The following ATP6V1B2 variants were observed in gnomAD, a reference collection of about 807,000 sequenced individuals.
ATP6V1B2 encodes V-type proton ATPase subunit B, brain isoform.
Under a neutral mutation model 66.7 loss-of-function variants are expected in ATP6V1B2, and 23 were observed. The ratio of observed to expected loss-of-function variants is 0.34; its 90% confidence interval spans 0.25 to 0.49. The LOEUF is 0.49. Among genes scored for constraint, ATP6V1B2 ranks in the 20% least tolerant of loss-of-function variants. ATP6V1B2 has a pLI of 0.99. For synonymous variants in ATP6V1B2, 278 were observed against 236.7 expected (o/e 1.17, Z -1.60); for missense variants, 478 against 650.8 (o/e 0.73, Z 2.89).
intron 8 of ATP6V1B2, among the ~76,000 whole-genome samples, 188 bp from the exon 9 acceptor site, chr8:20,212,594 T>C (rs895906284): frequency 5.9e-5 from 9 of 152,200 alleles, no homozygotes; most frequent in African/African-American, 2.2e-4. Context: ...ACTGAGAAAT[T>C]TGGGACATTT....
rs375523885 is a variant in ATP6V1B2, at chr8:20,216,512, G to A, written c.1161+17G>A. 8.1e-6 allele frequency: 13 copies of A among 1,605,524 alleles called. No individual in the cohort carries two copies. Among genetic ancestry groups the A allele is most frequent in the Non-Finnish European group, 1.1e-5 (13 of 1,173,556 alleles). ...AACAGACAGGTACTGGACGGGAGCA[G>A]TGCTGGGAAGCTTGCAGACCTGCTC... On this transcript the variant is annotated intron_variant, in intron 11 of 13. Coordinates refer to ENST00000276390, the MANE Select transcript of ATP6V1B2 (RefSeq NM_001693.4).
In ATP6V1B2 at chr8:20,217,451, T is replaced by C. The variant is rs531505826; in HGVS notation, c.1266+127T>C. On this transcript the variant is annotated intron_variant, in intron 12 of 13. Transcript: ENST00000276390. ...ACATGGAATTTTAGTGTAGGCTTGA[T>C]GTGGAATACATAATCATTCATTAGA... 3.9e-5 allele frequency: 31 copies of C among 786,862 alleles called. No homozygotes were observed. The African/African-American group carries it at 4.4e-4, about 11-fold the overall frequency. The allele number at this position is 786,862 out of a possible 1,614,324, so 48.7% of individuals were successfully genotyped here.
At chr8:20,216,885 A>T (rs2072859437) in intron 11 of ATP6V1B2, 1 of 260,784 alleles carries the variant, frequency 3.8e-6, no homozygotes, top group Non-Finnish European at 7.3e-6. Context: ...TATTTTGTGT[A>T]TAATTTTTTG....
At chr8:20,197,854 C>G (rs1056111342) in intron 1 of ATP6V1B2, among the ~76,000 whole-genome samples, 1 of 152,186 alleles carries the variant, frequency 6.6e-6, no homozygotes, top group Non-Finnish European at 1.5e-5. Flanking sequence ...TTCCCGTCCC[C>G]GAGGGCCACT....
chr8:20,204,351 A>T, intron 1 of ATP6V1B2, 133 bp from the exon 2 acceptor site: 1 of 723,454 alleles, frequency 1.4e-6, no homozygotes, highest in African/African-American at 1.8e-5. Context: ...GCATTGAAAA[A>T]TTTTGTAGCT....
At chr8:20,212,751 G>C in intron 8 of ATP6V1B2, 31 bp from the exon 9 acceptor site, 1 of 1,595,858 alleles carries the variant, frequency 6.3e-7, no homozygotes, top group Non-Finnish European at 8.5e-7. Flanking sequence ...CTTTTGGTTT[G>C]AGTGGCCTAA....
chr8:20,213,046 A>C, intron 9 of ATP6V1B2, 141 bp downstream of exon 9: 3 of 1,186,372 alleles, frequency 2.5e-6, no homozygotes, highest in Non-Finnish European at 3.5e-6. Context: ...TAAATCAGAA[A>C]GGAAACTACT....
In ATP6V1B2 at chr8:20,211,191, C is replaced by T; in HGVS notation, c.478C>T (p.Pro160Ser). 1 of 1,611,992 alleles carries T rather than the reference C, an allele frequency of 6.2e-7. No homozygotes were observed. Residue 160 changes from proline to serine, a missense_variant, in exon 6 of 14, where the codon CCT (proline) becomes TCT (serine). Pro to Ser is a moderately conservative substitution (Grantham distance 74, BLOSUM62 -1). Coordinates refer to ENST00000276390, the MANE Select transcript of ATP6V1B2 (RefSeq NM_001693.4). ...AAATACATTAGGTCAGCCAATCAAC[C>T]CTCAATGTCGAATCTACCCAGAGGA... ...FLDIMGQPIN[P>S]QCRIYPEEMI...
At chr8:20,214,158 T>G (rs2072826261) in intron 9 of ATP6V1B2, 1 of 152,212 alleles carries the variant, frequency 6.6e-6, no homozygotes. Context: ...TCATAATGCT[T>G]TAGGGTTCTA....
At position 20,211,683 on chromosome 8, in the gene ATP6V1B2, T is replaced by C. The variant is rs768791251; in HGVS notation, c.635T>C (p.Leu212Ser). The C allele has an allele frequency of 3.1e-6, 5 of 1,612,536 alleles. No individual in the cohort carries two copies. The South Asian group carries it at 5.5e-5, about 18-fold the overall frequency. ...IAAQICRQAG[L>S]VKKSKDVVDY... Reference sequence around the variant, plus strand: ...GCTCAGATCTGTCGCCAGGCTGGTTTGGTAAAGAAATCCAAAGATGTAGTA... The same window carrying C: ...GCTCAGATCTGTCGCCAGGCTGGTTCGGTAAAGAAATCCAAAGATGTAGTA... Residue 212 changes from leucine (L) to serine (S), a missense_variant, in exon 7 of 14, where the codon TTG (leucine) becomes TCG (serine). Leu to Ser is a moderately radical substitution (Grantham distance 145, BLOSUM62 -2). Around this residue, in one of 2 missense-constraint regions of ATP6V1B2, gnomAD observed 326 missense variants for 545.6 expected, o/e 0.60. Transcript: ENST00000276390.
At chr8:20,204,059 T>A (rs780037783) in intron 1 of ATP6V1B2, 1 of 450,804 alleles carries the variant, frequency 2.2e-6, no homozygotes, top group South Asian at 1.6e-5. Context: ...GCGTCCTCTA[T>A]AAAGTTTTTA....
intron 12 of ATP6V1B2, among the ~76,000 whole-genome samples, chr8:20,217,745 T>C (rs1585254833): frequency 6.6e-6 from 1 of 152,190 alleles, no homozygotes; most frequent in East Asian, 1.9e-4. Context: ...CATATAAGAT[T>C]GTACACTAAC....
At chr8:20,199,473 A>G (rs1236356839) in intron 1 of ATP6V1B2, among the ~76,000 whole-genome samples, 1 of 152,166 alleles carries the variant, frequency 6.6e-6, no homozygotes, top group Non-Finnish European at 1.5e-5. Flanking sequence ...TCTAAAAAGC[A>G]TAAATGATAT....
intron 13 of ATP6V1B2, 94 bp from the exon 14 acceptor site, chr8:20,220,165 CTATT>C (rs938131656): frequency 2.2e-5 from 30 of 1,346,536 alleles, no homozygotes; most frequent in Non-Finnish European, 3.0e-5. Flanking sequence ...TTTTCAATAT[CTATT>C]TAATACACTG....
rs1387330917 is a variant in ATP6V1B2, at chr8:20,202,261, A to G, written c.137-2223A>G. On this transcript the variant is annotated intron_variant, in intron 1 of 13. Transcript: ENST00000276390. Reference sequence around the variant, plus strand: ...ATTTGGGCTGTAGTAGAGTCAAAGAATAAGTGGCTTTGGAGCTAGAGTGTA... The same window carrying G: ...ATTTGGGCTGTAGTAGAGTCAAAGAGTAAGTGGCTTTGGAGCTAGAGTGTA... Among the ~76,000 whole-genome samples the G allele has an allele frequency of 2.0e-5, 3 of 152,350 alleles. No individual in the cohort carries two copies. In the East Asian group the frequency reaches 5.8e-4, roughly 29 times the overall value.
At position 20,218,009 on chromosome 8, in the gene ATP6V1B2, T is replaced by C. The variant is rs928912863; in HGVS notation, c.1267-144T>C. 7 of 1,109,016 alleles carry C rather than the reference T, an allele frequency of 6.3e-6. No individual in the cohort carries two copies. The African/African-American group carries it at 1.1e-4, about 18-fold the overall frequency. 68.7% of individuals were successfully genotyped at this position (1,109,016 alleles called of 1,614,324 possible). On this transcript the variant is annotated intron_variant, in intron 12 of 13. Transcript: ENST00000276390. The stretch of plus-strand genomic sequence containing the variant: ...TGAGAATATAGTCCTTCTGGTACTT[T>C]CATATGAATTTTATGTGAATTGTTT...
rs1563811652 is a variant in ATP6V1B2 at position 20,211,764 on chromosome 8, T to TTAG, written c.705+12_705+13insAGT. 1 of 1,402,898 alleles carries TTAG rather than the reference T, an allele frequency of 7.1e-7. No homozygotes were observed. The highest frequency in any genetic ancestry group is 9.7e-7 in the Non-Finnish European group (1 of 1,025,928). 86.9% of individuals were successfully genotyped at this position (1,402,898 alleles called of 1,614,324 possible). The stretch of plus-strand genomic sequence containing the variant: ...TTTGCTGCTATGGGTGTAAGTAGAA[T>TTAG]TTTTGTTTTAGTATGATATGTAAAA... On this transcript the variant is annotated intron_variant, in intron 7 of 13. Transcript: ENST00000276390.
rs560318115 is a variant in ATP6V1B2, at chr8:20,209,805, G to A, written c.291+274G>A. On this transcript the variant is annotated intron_variant, in intron 3 of 13. Transcript: ENST00000276390. ...AAGCAGAATTCACTGATGATGTGAT[G>A]AAACCAACAGGATATCTGTCTGAGT... Among the ~76,000 whole-genome samples the A allele has an allele frequency of 5.3e-5, 8 of 152,238 alleles. No homozygotes were observed. In the South Asian group the frequency reaches 1.7e-3, roughly 32 times the overall value.
At chr8:20,219,111 T>C (rs528793693) in intron 13 of ATP6V1B2, among the ~76,000 whole-genome samples, 2 of 152,328 alleles carry the variant, frequency 1.3e-5, no homozygotes, top group African/African-American at 4.8e-5. Flanking sequence ...TAGTCCTGTA[T>C]TTCTTAAACT....
Sources: allele counts gnomAD v4.1 joint callset (sites outside exome capture counted in the v4.1 genomes callset), GRCh38; gene constraint gnomAD v4.1.1; regional missense constraint gnomAD v4.1.1; transcripts MANE v1.5; gene names NCBI Gene and HGNC (gene_info 2026-07-23, HGNC 2026-07-21).